Variants in ARHGEF7 observed in about 807,000 individuals in gnomAD.
ARHGEF7 encodes Rho guanine nucleotide exchange factor 7, also known as PAK-interacting exchange factor beta.
ARHGEF7 carries 33 observed loss-of-function variants against 109.8 expected under a neutral mutation model. The observed-to-expected ratio is 0.30, with a 90% CI of 0.23 to 0.40. The LOEUF is 0.40. Ranked by LOEUF, ARHGEF7 falls within the 10% of genes least tolerant of loss-of-function variation. ARHGEF7 has a pLI of 1.00. For missense variants in ARHGEF7, 938 were observed against 1,098.5 expected (o/e 0.85, Z 2.07); for synonymous variants, 458 against 424.6 (o/e 1.08, Z -0.97).
chr13:111,247,343 A>G (rs941079733), intron 8 of ARHGEF7, among the ~76,000 whole-genome samples: 4 of 151,348 alleles, frequency 2.6e-5, no homozygotes, highest in Admixed American at 2.6e-4. Flanking sequence ...ATCTCAGCTC[A>G]CTGCAACCTC....
At chr13:111,282,797 T>C (rs1037223268) in intron 15 of ARHGEF7, 4 of 363,508 alleles carry the variant, frequency 1.1e-5, no homozygotes, top group African/African-American at 6.2e-5. Context: ...GAAATTCTCA[T>C]CTTTTTACTA....
chr13:111,279,590 T>C (rs187694286), intron 13 of ARHGEF7, among the ~76,000 whole-genome samples: 1 of 152,234 alleles, frequency 6.6e-6, no homozygotes, highest in Non-Finnish European at 1.5e-5. Context: ...CACCATGTAC[T>C]GTGGTTTCTG....
intron 19 of ARHGEF7, chr13:111,293,354 A>C: frequency 1.0e-6 from 1 of 985,208 alleles, no homozygotes. Flanking sequence ...GCAACCCCAT[A>C]GTATAAAACC....
intron 1 of ARHGEF7, among the ~76,000 whole-genome samples, chr13:111,142,672 A>G (rs2075402672): frequency 6.6e-6 from 1 of 152,096 alleles, no homozygotes; most frequent in Non-Finnish European, 1.5e-5. Context: ...GGCAGCCCCA[A>G]CTGCTATTTA....
intron 1 of ARHGEF7, 97 bp downstream of exon 1, chr13:111,115,788 A>G: frequency 1.8e-6 from 1 of 550,888 alleles, no homozygotes; most frequent in Non-Finnish European, 2.3e-6. Flanking sequence ...CGCTCGGGAA[A>G]CCCGTGCGCC....
intron 17 of ARHGEF7, among the ~76,000 whole-genome samples, chr13:111,286,457 C>T (rs1043487080): frequency 2.0e-5 from 3 of 152,168 alleles, no homozygotes; most frequent in African/African-American, 7.2e-5. Context: ...GTGCCAGTCC[C>T]GGCACCACTG....
chr13:111,274,778 C>A lies in ARHGEF7; in HGVS notation c.1260C>A (p.Phe420Leu). ...ATATTCAAAAATCCATGGCTGCCTT[C>A]AAAAACCTTTCAGTAAGTGATTAAG... Reference protein sequence around the residue: ...RQDIQKSMAAFKNLSAQCQEV... With the variant: ...RQDIQKSMAALKNLSAQCQEV... Residue 420 changes from phenylalanine to leucine, a missense_variant, in exon 11 of 22, where the codon TTC becomes TTA. Physicochemically the swap from Phe to Leu is conservative, Grantham distance 22. Around this residue, in one of 4 missense-constraint regions of ARHGEF7, gnomAD observed 585 missense variants for 723.6 expected, o/e 0.81. Transcript: ENST00000646102. 1 of 1,490,566 alleles carries A rather than the reference C, an allele frequency of 6.7e-7. No homozygotes were observed. The highest frequency in any genetic ancestry group is 8.9e-7 in the Non-Finnish European group (1 of 1,117,736). 92.3% of individuals were successfully genotyped at this position (1,490,566 alleles called of 1,614,324 possible). A position where few individuals can be genotyped will look rare whatever the true frequency, so the allele number is the denominator to read the frequency against.
chr13:111,196,491 C>G (rs946845462), intron 2 of ARHGEF7, among the ~76,000 whole-genome samples: 2 of 152,190 alleles, frequency 1.3e-5, no homozygotes, highest in Admixed American at 1.3e-4. Flanking sequence ...TGTAGGAAAT[C>G]TATCAGGATC....
chr13:111,243,789 C>T (rs773380503), intron 6 of ARHGEF7, 83 bp from the exon 7 acceptor site: 90 of 830,834 alleles, frequency 1.1e-4, no homozygotes, highest in Middle Eastern at 3.4e-4. Flanking sequence ...TGAACAATGG[C>T]GATGAACTGT....
At chr13:111,264,605 C>T (rs2091429396) in intron 8 of ARHGEF7, among the ~76,000 whole-genome samples, 1 of 152,144 alleles carries the variant, frequency 6.6e-6, no homozygotes, top group Non-Finnish European at 1.5e-5. Context: ...TCTGTGAGCC[C>T]CCGCCAGTAC....
chr13:111,246,389 T>G (rs1054908950), intron 8 of ARHGEF7, among the ~76,000 whole-genome samples: 18 of 152,220 alleles, frequency 1.2e-4, no homozygotes, highest in Non-Finnish European at 2.4e-4. Context: ...GGAGTGGCCT[T>G]CCTTCTGTGC....
intron 5 of ARHGEF7, among the ~76,000 whole-genome samples, chr13:111,229,775 G>A (rs904355361): frequency 1.3e-5 from 2 of 152,108 alleles, no homozygotes; most frequent in Admixed American, 1.3e-4. Context: ...TTTGTCCCAG[G>A]CAGGTACTGG....
At chr13:111,269,985 G>A (rs2092005994) in intron 9 of ARHGEF7, among the ~76,000 whole-genome samples, 1 of 152,202 alleles carries the variant, frequency 6.6e-6, no homozygotes, top group Admixed American at 6.5e-5. Flanking sequence ...AATTTTTAAG[G>A]ATTGGTTCAA....
intron 1 of ARHGEF7, among the ~76,000 whole-genome samples, chr13:111,119,932 G>A (rs971247486): frequency 6.6e-6 from 1 of 152,110 alleles, no homozygotes; most frequent in African/African-American, 2.4e-5. Flanking sequence ...GTGACCTGTA[G>A]CCGTCATAAA....
chr13:111,302,062 G>A (rs2093580817), intron 21 of ARHGEF7, among the ~76,000 whole-genome samples: 1 of 152,068 alleles, frequency 6.6e-6, no homozygotes, highest in Admixed American at 6.5e-5. Flanking sequence ...AAATTCTGTT[G>A]GAAGAATAAT....
intron 2 of ARHGEF7, chr13:111,182,840 A>C (rs933723405): frequency 6.6e-6 from 1 of 152,236 alleles, no homozygotes; most frequent in Non-Finnish European, 1.5e-5. Flanking sequence ...CACATTCAGT[A>C]GAAACAGTGC....
At chr13:111,281,055 T>G (rs1413632116) in intron 15 of ARHGEF7, 2 of 159,568 alleles carry the variant, frequency 1.3e-5, no homozygotes, top group African/African-American at 4.8e-5. Flanking sequence ...AATAAATGAT[T>G]ATGATGATGA....
intron 2 of ARHGEF7, among the ~76,000 whole-genome samples, chr13:111,203,791 T>C (rs931762845): frequency 2.0e-5 from 3 of 152,236 alleles, no homozygotes; most frequent in Admixed American, 6.5e-5. Context: ...TAGCTGCAGA[T>C]GAATTTTGAA....
At chr13:111,213,273 G>T (rs1236007999) in intron 4 of ARHGEF7, among the ~76,000 whole-genome samples, 1 of 152,222 alleles carries the variant, frequency 6.6e-6, no homozygotes, top group Non-Finnish European at 1.5e-5. Context: ...CAGGTCGTGT[G>T]TGCCTGGATG....
Sources: gnomAD v4.1 joint callset for allele counts (sites outside exome capture counted in the v4.1 genomes callset) on GRCh38, gnomAD v4.1.1 for gene constraint, gnomAD v4.1.1 regional missense constraint, MANE v1.5 for transcripts, NCBI Gene and HGNC (gene_info 2026-07-23, HGNC 2026-07-21) for gene names.